Variants in NRG1 observed in about 807,000 individuals in gnomAD.
The protein encoded by NRG1 is pro-neuregulin-1, membrane-bound isoform.
Under a neutral mutation model 63.8 loss-of-function variants are expected in NRG1, and 18 were observed. That is an observed-to-expected ratio of 0.28 (90% CI 0.19 to 0.42). The LOEUF is 0.42. Among genes scored for constraint, NRG1 ranks in the 10% least tolerant of loss-of-function variants. The probability of loss-of-function intolerance (pLI) is 1.00; values close to 1 mark genes in which losing one functional copy is unlikely to be tolerated. For missense variants in NRG1, 762 were observed against 814.7 expected, an observed-to-expected ratio of 0.94 and a Z score of 0.79; for synonymous variants, 302 against 301.3, an observed-to-expected ratio of 1.00 and a Z score of -0.02.
chr8:32,717,442 A>G lies in NRG1; in HGVS notation c.503-10507A>G, dbSNP rs539899446. Among the ~76,000 whole-genome samples, 20 of 152,288 alleles carry G rather than the reference A, an allele frequency of 1.3e-4. 1 individual carries two copies. The South Asian group carries it at 2.9e-3, about 22-fold the overall frequency. The stretch of plus-strand genomic sequence containing the variant: ...CAGCAGATATACATTTAATAACACA[A>G]TGTATTACAGGGAGACATGTTTTGC... On this transcript the variant is annotated intron_variant, in intron 5 of 11. Coordinates refer to ENST00000356819, the Ensembl canonical transcript of NRG1.
chr8:31,978,505 A>G (rs1808559365), intron 1 of NRG1, among the ~76,000 whole-genome samples: 1 of 152,080 alleles, frequency 6.6e-6, no homozygotes, highest in Non-Finnish European at 1.5e-5. Context: ...TACTATTTTC[A>G]TGTCTTTCTA....
At chr8:32,079,402 A>G (rs1462638999) in intron 1 of NRG1, among the ~76,000 whole-genome samples, 3 of 152,204 alleles carry the variant, frequency 2.0e-5, no homozygotes, top group Admixed American at 6.6e-5. Context: ...AATTACTCCT[A>G]TTCATTTTCA....
intron 1 of NRG1, among the ~76,000 whole-genome samples, chr8:31,671,439 C>A (rs569988416): frequency 6.6e-6 from 1 of 152,180 alleles, no homozygotes; most frequent in African/African-American, 2.4e-5. Context: ...ATGTAGCTGG[C>A]AAACTTATCA....
intron 8 of NRG1, 64 bp downstream of exon 8, chr8:32,754,538 CT>C (rs1829327076): frequency 6.8e-7 from 1 of 1,477,000 alleles, no homozygotes; most frequent in African/African-American, 1.4e-5. Context: ...ATGGCCAGGG[CT>C]TTGCAGAATC....
At chr8:32,277,670 C>T (rs1042627224) in intron 1 of NRG1, among the ~76,000 whole-genome samples, 4 of 152,148 alleles carry the variant, frequency 2.6e-5, no homozygotes, top group African/African-American at 4.8e-5. Context: ...TTAACAATAT[C>T]TGGTGACATT....
intron 1 of NRG1, among the ~76,000 whole-genome samples, chr8:32,468,258 T>C (rs552851288): frequency 6.6e-5 from 10 of 152,334 alleles, no homozygotes; most frequent in African/African-American, 2.2e-4. Flanking sequence ...AGCCTCCTTA[T>C]AAGCGATTAA....
At chr8:32,671,259 C>T (rs1043292623) in intron 5 of NRG1, among the ~76,000 whole-genome samples, 8 of 151,994 alleles carry the variant, frequency 5.3e-5, no homozygotes, top group African/African-American at 1.9e-4. Flanking sequence ...TCACCTCTTC[C>T]TTTGTTCCTC....
intron 1 of NRG1, among the ~76,000 whole-genome samples, chr8:32,506,970 A>T (rs181028899): frequency 3.3e-5 from 5 of 152,230 alleles, no homozygotes; most frequent in African/African-American, 1.2e-4. Flanking sequence ...CCCTCAACCC[A>T]TTTAGCCATT....
intron 1 of NRG1, among the ~76,000 whole-genome samples, chr8:32,502,613 G>A (rs945829743): frequency 6.7e-5 from 10 of 148,222 alleles, no homozygotes; most frequent in South Asian, 2.1e-4. Flanking sequence ...CTTTATTTTC[G>A]TCTTTCTTAT....
chr8:32,189,029 A>G (rs1842232718), intron 1 of NRG1, among the ~76,000 whole-genome samples: 1 of 152,128 alleles, frequency 6.6e-6, no homozygotes, highest in African/African-American at 2.4e-5. Flanking sequence ...AAGTAATGCA[A>G]CCCTGGATGG....
At position 32,593,730 on chromosome 8, in the gene NRG1, G is replaced by C. The variant is rs190806818; in HGVS notation, c.101-2098G>C. On this transcript the variant is annotated intron_variant, in intron 1 of 11. Coordinates refer to ENST00000356819, the Ensembl canonical transcript of NRG1. ...CTTAAGGAGTTAACAGAAATATGTA[G>C]ACACTATTTCAGATAACATGAGAAT... is the stretch of plus-strand genomic sequence containing the variant. Among the ~76,000 whole-genome samples the C allele has an allele frequency of 5.1e-4, 78 of 151,716 alleles. 1 individual carries two copies. The highest frequency in any genetic ancestry group is 1.8e-3 in the African/African-American group (75 of 41,364).
intron 1 of NRG1, among the ~76,000 whole-genome samples, chr8:31,700,512 G>A (rs936766033): frequency 2.0e-4 from 31 of 152,172 alleles, no homozygotes; most frequent in African/African-American, 6.7e-4. Flanking sequence ...GCTTTCCAGC[G>A]GCATGAATAT....
chr8:31,643,998 ATCT>A (rs1804051967), intron 1 of NRG1, among the ~76,000 whole-genome samples: 1 of 152,172 alleles, frequency 6.6e-6, no homozygotes, highest in South Asian at 2.1e-4. Flanking sequence ...TAATGTAAAC[ATCT>A]TTATCAAATA....
intron 1 of NRG1, among the ~76,000 whole-genome samples, chr8:32,549,108 G>C (rs1258818425): frequency 3.3e-5 from 5 of 152,208 alleles, no homozygotes; most frequent in African/African-American, 9.6e-5. Context: ...TCCCTGGCAC[G>C]GCCCCTCCCC....
intron 1 of NRG1, among the ~76,000 whole-genome samples, chr8:32,354,284 G>T (rs547460293): frequency 6.6e-6 from 1 of 152,068 alleles, no homozygotes; most frequent in African/African-American, 2.4e-5. Context: ...CAGGAGAATC[G>T]CTAGAACCCG....
chr8:32,238,545 T>C (rs548182815), intron 1 of NRG1, among the ~76,000 whole-genome samples: 19 of 152,184 alleles, frequency 1.2e-4, no homozygotes, highest in Non-Finnish European at 1.9e-4. Flanking sequence ...TTAAGACTAC[T>C]GAGGCTCAGG....
intron 1 of NRG1, among the ~76,000 whole-genome samples, chr8:31,843,627 G>A (rs1177717995): frequency 6.6e-6 from 1 of 152,088 alleles, no homozygotes; most frequent in Non-Finnish European, 1.5e-5. Context: ...TCATTGACGT[G>A]ATTCAGATTC....
At chr8:32,462,363 T>A (rs976115529) in intron 1 of NRG1, among the ~76,000 whole-genome samples, 3 of 152,154 alleles carry the variant, frequency 2.0e-5, no homozygotes, top group Non-Finnish European at 4.4e-5. Context: ...GCAGGCAGTT[T>A]CAGCAGCTAG....
At chr8:32,459,626 G>T (rs1822068273) in intron 1 of NRG1, among the ~76,000 whole-genome samples, 1 of 151,570 alleles carries the variant, frequency 6.6e-6, no homozygotes, top group Non-Finnish European at 1.5e-5. Flanking sequence ...AAAGAAGAAG[G>T]AAACATGAAT....
Sources: gnomAD v4.1 joint callset for allele counts (sites outside exome capture counted in the v4.1 genomes callset) on GRCh38, gnomAD v4.1.1 for gene constraint, MANE v1.5 for transcripts, NCBI Gene and HGNC (gene_info 2026-07-23, HGNC 2026-07-21) for gene names.